Variants in RFX4 observed in about 807,000 individuals in gnomAD.
RFX4 encodes the protein regulatory factor X4, also known as transcription factor RFX4.
In RFX4, 10 loss-of-function variants were observed where a neutral mutation model predicts 95.0. The observed-to-expected ratio is 0.11, with a 90% CI of 0.06 to 0.18. The LOEUF (loss-of-function observed/expected upper bound fraction) is 0.18. Ranked by LOEUF, RFX4 falls within the 10% of genes least tolerant of loss-of-function variation. The pLI, the probability that RFX4 is intolerant of heterozygous loss-of-function variation, is 1.00. For synonymous variants in RFX4, 321 were observed against 340.7 expected (o/e 0.94, Z 0.64); for missense variants, 640 against 922.0 (o/e 0.69, Z 3.96).
chr12:106,684,995 A>C, intron 5 of RFX4: 1 of 1,586,732 alleles, frequency 6.3e-7, no homozygotes, highest in Non-Finnish European at 8.6e-7. Flanking sequence ...CCCATAATTC[A>C]AAATGCCTTC....
At chr12:106,689,636 A>G (rs753577448) in intron 7 of RFX4, among the ~76,000 whole-genome samples, 19 of 152,196 alleles carry the variant, frequency 1.2e-4, no homozygotes, top group Non-Finnish European at 2.1e-4. Context: ...CACTAGGAAG[A>G]CCATTTTGCC....
At chr12:106,670,087 T>C (rs2137364785) in intron 4 of RFX4, among the ~76,000 whole-genome samples, 1 of 152,336 alleles carries the variant, frequency 6.6e-6, no homozygotes, top group Non-Finnish European at 1.5e-5. Context: ...GCACAGAGCC[T>C]GTAATTATAA....
chr12:106,752,035 T>A (rs1420672660), intron 17 of RFX4, among the ~76,000 whole-genome samples: 1 of 148,178 alleles, frequency 6.7e-6, no homozygotes, highest in Non-Finnish European at 1.5e-5. Flanking sequence ...TGAATGGTAA[T>A]GCCTAGGTTT....
chr12:106,624,550 A>G (rs2040251787), intron 2 of RFX4, among the ~76,000 whole-genome samples: 1 of 151,934 alleles, frequency 6.6e-6, no homozygotes, highest in Non-Finnish European at 1.5e-5. Context: ...GATGGTCTCA[A>G]TCTCTTGACC....
chr12:106,603,157 AG>A (rs1432461800), intron 1 of RFX4, among the ~76,000 whole-genome samples: 1 of 152,116 alleles, frequency 6.6e-6, no homozygotes, highest in Non-Finnish European at 1.5e-5. Flanking sequence ...ATAAACTTCA[AG>A]GATTACCTGG....
intron 2 of RFX4, among the ~76,000 whole-genome samples, chr12:106,609,440 A>G (rs143585676): frequency 7.0e-4 from 106 of 152,242 alleles, no homozygotes; most frequent in African/African-American, 2.5e-3. Context: ...TGGGACTTGT[A>G]TTTTTTCCCT....
intron 4 of RFX4, among the ~76,000 whole-genome samples, chr12:106,663,269 T>C (rs968364055): frequency 1.1e-4 from 16 of 152,072 alleles, no homozygotes; most frequent in Admixed American, 9.2e-4. Context: ...GTAGCTCTTA[T>C]ACATAGCTTG....
intron 8 of RFX4, among the ~76,000 whole-genome samples, chr12:106,701,698 GT>G (rs1376267369): frequency 6.6e-6 from 1 of 152,062 alleles, no homozygotes; most frequent in Non-Finnish European, 1.5e-5. Flanking sequence ...ACTGTACTTT[GT>G]TTTTATGTCA....
chr12:106,656,470 TGATCCTAGTA>T (rs2040959532), intron 4 of RFX4, among the ~76,000 whole-genome samples: 1 of 152,194 alleles, frequency 6.6e-6, no homozygotes, highest in Non-Finnish European at 1.5e-5. Context: ...GAAGCCTCTG[TGATCCTAGTA>T]GAGTGAGATT....
intron 13 of RFX4, among the ~76,000 whole-genome samples, chr12:106,730,165 T>A (rs1213715645): frequency 6.6e-6 from 1 of 152,136 alleles, no homozygotes; most frequent in Admixed American, 6.5e-5. Context: ...GATCTTCCTC[T>A]CTAGCCTTTC....
intron 15 of RFX4, among the ~76,000 whole-genome samples, chr12:106,740,012 T>C (rs1006679640): frequency 6.6e-6 from 1 of 152,118 alleles, no homozygotes; most frequent in Non-Finnish European, 1.5e-5. Context: ...CACCGAAGGG[T>C]TCTAAAACCT....
intron 1 of RFX4, chr12:106,583,791 C>T (rs151026410): frequency 2.2e-3 from 341 of 155,076 alleles, no homozygotes; most frequent in Non-Finnish European, 3.7e-3. Flanking sequence ...GGCCGGGAAG[C>T]CGAGCGGAAC....
chr12:106,603,866 G>A (rs2039764781), intron 1 of RFX4, among the ~76,000 whole-genome samples: 1 of 152,164 alleles, frequency 6.6e-6, no homozygotes, highest in Admixed American at 6.5e-5. Context: ...GACAACATAT[G>A]TGAAAATGGC....
intron 3 of RFX4, among the ~76,000 whole-genome samples, chr12:106,640,126 T>A (rs2040590727): frequency 6.6e-6 from 1 of 152,194 alleles, no homozygotes; most frequent in Non-Finnish European, 1.5e-5. Context: ...GGCTAGGCAC[T>A]TTATATATAT....
intron 8 of RFX4, among the ~76,000 whole-genome samples, chr12:106,702,540 G>A (rs1166316808): frequency 6.6e-6 from 1 of 152,172 alleles, no homozygotes; most frequent in African/African-American, 2.4e-5. Context: ...CTTGGTGCTT[G>A]TTAGCCTGAT....
intron 11 of RFX4, among the ~76,000 whole-genome samples, chr12:106,717,090 G>A (rs2137518559): frequency 1.3e-5 from 2 of 150,584 alleles, no homozygotes; most frequent in East Asian, 3.9e-4. Context: ...TTCCTCTTCT[G>A]CTTTTTCCTG....
At chr12:106,644,817 G>A (rs550805117) in intron 3 of RFX4, among the ~76,000 whole-genome samples, 39 of 152,312 alleles carry the variant, frequency 2.6e-4, no homozygotes, top group African/African-American at 8.9e-4. Context: ...CATTCTCTGA[G>A]GCATTTATGT....
At chr12:106,679,278 C>T (rs532467951) in intron 4 of RFX4, among the ~76,000 whole-genome samples, 4 of 152,114 alleles carry the variant, frequency 2.6e-5, no homozygotes, top group South Asian at 2.1e-4. Context: ...GCCAACATGG[C>T]GAAACCCTGT....
chr12:106,704,814 C>CAT (rs2042052237), intron 8 of RFX4, among the ~76,000 whole-genome samples: 1 of 151,652 alleles, frequency 6.6e-6, no homozygotes, highest in African/African-American at 2.4e-5. Flanking sequence ...TGTGTGTATG[C>CAT]ATGTGTGTGT....
Sources: gnomAD v4.1 joint callset for allele counts (sites outside exome capture counted in the v4.1 genomes callset) on GRCh38, gnomAD v4.1.1 for gene constraint, MANE v1.5 for transcripts, NCBI Gene and HGNC (gene_info 2026-07-23, HGNC 2026-07-21) for gene names.